Variants in ROR2 observed in about 807,000 individuals in gnomAD.
ROR2 encodes ROR family WNT receptor 2, also known as tyrosine-protein kinase transmembrane receptor ROR2.
Under a neutral mutation model 74.9 loss-of-function variants are expected in ROR2, and 33 were observed. The ratio of observed to expected loss-of-function variants is 0.44; its 90% CI spans 0.33 to 0.59. The LOEUF (loss-of-function observed/expected upper bound fraction) is 0.59, where lower values mean the gene tolerates loss of function less well. ROR2 is among the 20% of genes least tolerant of loss of function. The pLI is 0.02. For synonymous variants in ROR2, 586 were observed against 558.7 expected, an observed-to-expected ratio of 1.05 and a Z score of -0.69; for missense variants, 1,216 against 1,313.8, an observed-to-expected ratio of 0.93 and a Z score of 1.15.
intron 1 of ROR2, among the ~76,000 whole-genome samples, chr9:91,881,868 T>A (rs1211405758): frequency 6.6e-6 from 1 of 152,076 alleles, no homozygotes; most frequent in Non-Finnish European, 1.5e-5. Flanking sequence ...CACTGAGGCA[T>A]CTGAATTTTG....
chr9:91,802,067 GT>G (rs60111555), intron 1 of ROR2, among the ~76,000 whole-genome samples: 369 of 103,716 alleles, frequency 3.6e-3, no homozygotes, highest in South Asian at 5.6e-3. Context: ...TTTGGAAGGT[GT>G]TTTTTTTTTT....
At chr9:91,792,659 A>G (rs1189602629) in intron 1 of ROR2, among the ~76,000 whole-genome samples, 3 of 152,200 alleles carry the variant, frequency 2.0e-5, no homozygotes, top group Non-Finnish European at 4.4e-5. Context: ...ACTGACCAAG[A>G]GAAGACTCAA....
chr9:91,724,639 G>A lies in ROR2; in HGVS notation c.1855C>T (p.Arg619Cys), dbSNP rs1489361512. 1.9e-6 allele frequency: 3 copies of A among 1,614,030 alleles called. No individual in the cohort carries two copies. The highest frequency in any genetic ancestry group is 1.7e-5 in the Admixed American group (1 of 60,000). ...AGCTTGTCGTACACTAGCACATTGC[G>A]GGTGGCCAGGTCCTTGTGAACCACG... ...HHVVHKDLAT[R>C]NVLVYDKLNV... Residue 619 changes from arginine to cysteine, a missense_variant, in exon 9 of 9, where the codon CGC (arginine) becomes TGC (cysteine). Physicochemically the swap from Arg to Cys is radical, Grantham distance 180. Coordinates refer to ENST00000375708, the MANE Select transcript of ROR2 (RefSeq NM_004560.4).
chr9:91,725,692 G>A (rs1837003078), intron 8 of ROR2, among the ~76,000 whole-genome samples: 1 of 152,118 alleles, frequency 6.6e-6, no homozygotes, highest in South Asian at 2.1e-4. Context: ...ACATGTTCCT[G>A]GAAAGAGTAC....
At chr9:91,793,150 C>T (rs1423087173) in intron 1 of ROR2, among the ~76,000 whole-genome samples, 3 of 152,148 alleles carry the variant, frequency 2.0e-5, no homozygotes, top group East Asian at 1.9e-4. Flanking sequence ...AATATAGACA[C>T]GAAAGTCCAA....
chr9:91,885,936 C>T (rs1341284908), intron 1 of ROR2, among the ~76,000 whole-genome samples: 1 of 143,978 alleles, frequency 6.9e-6, no homozygotes, highest in African/African-American at 2.6e-5. Flanking sequence ...AACAATGTCG[C>T]AATCTCAGCT....
intron 4 of ROR2, among the ~76,000 whole-genome samples, chr9:91,741,858 T>C (rs1825259795): frequency 1.3e-5 from 2 of 152,292 alleles, no homozygotes; most frequent in South Asian, 4.1e-4. Context: ...CTCAATACTC[T>C]TTACTTTGAA....
chr9:91,927,178 C>T (rs1289918909), intron 1 of ROR2, among the ~76,000 whole-genome samples: 1 of 152,192 alleles, frequency 6.6e-6, no homozygotes, highest in Non-Finnish European at 1.5e-5. Flanking sequence ...TTTCAAGACC[C>T]AAACTGCGTC....
chr9:91,786,136 CA>C (rs1481360480), intron 1 of ROR2, among the ~76,000 whole-genome samples: 5 of 112,004 alleles, frequency 4.5e-5, no homozygotes, highest in African/African-American at 1.7e-4. Flanking sequence ...GCCTGGGTAA[CA>C]TACGGAAACC....
chr9:91,927,617 G>A (rs1831444341), intron 1 of ROR2, among the ~76,000 whole-genome samples: 1 of 135,916 alleles, frequency 7.4e-6, no homozygotes, highest in Non-Finnish European at 1.5e-5. Flanking sequence ...ATGTTGGAGT[G>A]CAGTGGTGCG....
intron 1 of ROR2, among the ~76,000 whole-genome samples, chr9:91,848,754 CA>C (rs1255393010): frequency 1.7e-5 from 2 of 120,730 alleles, no homozygotes; most frequent in Non-Finnish European, 3.3e-5. Context: ...GACTCCGTCT[CA>C]GGGGGGAAGA....
intron 4 of ROR2, among the ~76,000 whole-genome samples, chr9:91,752,473 G>A (rs1162187740): frequency 1.3e-5 from 2 of 152,170 alleles, no homozygotes; most frequent in Non-Finnish European, 2.9e-5. Flanking sequence ...AGGACGCCAG[G>A]CTTAAGTGGC....
At chr9:91,783,131 C>T (rs998929607) in intron 1 of ROR2, among the ~76,000 whole-genome samples, 7 of 152,112 alleles carry the variant, frequency 4.6e-5, no homozygotes, top group Admixed American at 6.5e-5. Flanking sequence ...ACCGTCTTTC[C>T]GTCCAAATCT....
intron 1 of ROR2, among the ~76,000 whole-genome samples, chr9:91,916,787 TA>T (rs756054291): frequency 3.3e-5 from 5 of 152,100 alleles, no homozygotes; most frequent in Admixed American, 6.6e-5. Flanking sequence ...AGCCTTATCA[TA>T]CAAAAATACT....
intron 2 of ROR2, among the ~76,000 whole-genome samples, chr9:91,761,380 G>A (rs1012492911): frequency 6.6e-6 from 1 of 152,082 alleles, no homozygotes; most frequent in Non-Finnish European, 1.5e-5. Flanking sequence ...TGTAGAATCA[G>A]TGGGAGCCCT....
At chr9:91,939,117 G>A in intron 1 of ROR2, among the ~76,000 whole-genome samples, 1 of 152,102 alleles carries the variant, frequency 6.6e-6, no homozygotes, top group East Asian at 1.9e-4. Context: ...AGGGGTGGTG[G>A]CACGTGCCTG....
chr9:91,755,960 C>T, intron 4 of ROR2, 111 bp downstream of exon 4: 1 of 1,206,048 alleles, frequency 8.3e-7, no homozygotes, highest in Non-Finnish European at 1.2e-6. Flanking sequence ...GCCCAGCCAA[C>T]TTCTAGCAAA....
intron 2 of ROR2, among the ~76,000 whole-genome samples, chr9:91,771,707 T>TC (rs1279803270): frequency 1.4e-5 from 2 of 148,048 alleles, no homozygotes; most frequent in African/African-American, 5.0e-5. Context: ...TCTCTCTCTC[T>TC]CTCTCCTCTC....
Position 91,723,517 on chromosome 9 carries a change from G to A in ROR2, c.*145C>T, listed in dbSNP as rs1836869512. On this transcript the variant is annotated 3_prime_UTR_variant, in exon 9 of 9. Coordinates refer to ENST00000375708, the MANE Select transcript of ROR2 (RefSeq NM_004560.4). Reference sequence around the variant, plus strand: ...TGTGTCAGAGGACAGAGAGGAGCAGGGCTCCACCTCACCCAGTCTGCAAAC... The same window carrying A: ...TGTGTCAGAGGACAGAGAGGAGCAGAGCTCCACCTCACCCAGTCTGCAAAC... 7.9e-7 allele frequency: 1 copy of A among 1,265,422 alleles called. No homozygotes were observed. The highest frequency in any genetic ancestry group is 2.1e-5 in the Admixed American group (1 of 46,982). 78.4% of individuals were successfully genotyped at this position (1,265,422 alleles called of 1,614,324 possible). A position where few individuals can be genotyped will look rare whatever the true frequency, so the allele number is the denominator to read the frequency against.
Sources: allele counts gnomAD v4.1 joint callset (sites outside exome capture counted in the v4.1 genomes callset), GRCh38; gene constraint gnomAD v4.1.1; transcripts MANE v1.5; gene names NCBI Gene and HGNC (gene_info 2026-07-23, HGNC 2026-07-21).